Variants in TOX3 observed in about 807,000 individuals in gnomAD.
The protein encoded by TOX3 is TOX high mobility group box family member 3.
A neutral mutation model predicts 64.3 loss-of-function variants in TOX3; 22 were observed. That is an observed-to-expected ratio of 0.34 (90% CI 0.24 to 0.49). The LOEUF (loss-of-function observed/expected upper bound fraction) is 0.49. TOX3 is among the 20% of genes least tolerant of loss of function. The pLI is 0.99. For synonymous variants in TOX3, 291 were observed against 273.6 expected (o/e 1.06, Z -0.63); for missense variants, 661 against 714.4 (o/e 0.93, Z 0.85).
intron 1 of TOX3, among the ~76,000 whole-genome samples, chr16:52,508,757 G>A (rs1205620142): frequency 1.3e-5 from 2 of 152,036 alleles, no homozygotes; most frequent in Non-Finnish European, 2.9e-5. Context: ...CAAAATTATT[G>A]ATAACTTTCA....
Position 52,439,666 on chromosome 16 carries a change from G to A in TOX3, c.1290C>T (p.Thr430=), listed in dbSNP as rs749803576. Residue 430 remains threonine, a synonymous_variant, in exon 7 of 7, where the codon ACC becomes ACT. Transcript: ENST00000219746. Reference sequence around the variant, plus strand: ...GGGTTTGCACCGAAGGACTCACTTGGGTGGAGGGTGCTGAGCCAACCATGG... The same window carrying A: ...GGGTTTGCACCGAAGGACTCACTTGAGTGGAGGGTGCTGAGCCAACCATGG... ...GTTMVGSAPS[T]QVSPSVQTQQ... 2.4e-5 allele frequency: 38 copies of A among 1,613,764 alleles called. No individual in the cohort carries two copies. In the South Asian group the frequency reaches 4.0e-4, roughly 17 times the overall value.
chr16:52,506,675 A>T (rs778084345), intron 1 of TOX3, among the ~76,000 whole-genome samples: 12 of 152,164 alleles, frequency 7.9e-5, no homozygotes, highest in Non-Finnish European at 1.5e-4. Context: ...GGCTACAGGA[A>T]GGGTGCAGAT....
At chr16:52,472,051 C>G (rs967292357) in intron 1 of TOX3, among the ~76,000 whole-genome samples, 9 of 152,238 alleles carry the variant, frequency 5.9e-5, no homozygotes, top group Non-Finnish European at 1.2e-4. Context: ...CAGAGGTACT[C>G]AAGTCTAGTA....
Position 52,486,004 on chromosome 16 carries a change from G to A in TOX3, c.88-17430C>T, listed in dbSNP as rs1032909929. ...GTCTTCCAGCAGTGGGCCAAAGCAC[G>A]GGTGCATTTTAAACATTGTTGGGGT... On this transcript the variant is annotated intron_variant, in intron 1 of 6. Transcript: ENST00000219746. Among the ~76,000 whole-genome samples the A allele has an allele frequency of 5.9e-5, 9 of 152,268 alleles. No individual in the cohort carries two copies. The East Asian group carries it at 1.7e-3, about 29-fold the overall frequency.
rs45597135 is a variant in TOX3, at chr16:52,512,019, C to A, written c.87+34618G>T. Among the ~76,000 whole-genome samples, 1,330 of 152,260 alleles carry A rather than the reference C, an allele frequency of 8.7e-3. 9 individuals are homozygous for A. Among genetic ancestry groups the A allele is most frequent in the Non-Finnish European group, 0.014 (920 of 68,010 alleles). Reference sequence around the variant, plus strand: ...AAGCACCACGTTGCCTATTCCTCAACTTTAAGAATGATCAATCCTGCCATA... The same window carrying A: ...AAGCACCACGTTGCCTATTCCTCAAATTTAAGAATGATCAATCCTGCCATA... On this transcript the variant is annotated intron_variant, in intron 1 of 6. Coordinates refer to ENST00000219746, the MANE Select transcript of TOX3 (RefSeq NM_001080430.4).
At chr16:52,539,710 C>T (rs1287111085) in intron 1 of TOX3, among the ~76,000 whole-genome samples, 1 of 152,186 alleles carries the variant, frequency 6.6e-6, no homozygotes, top group Non-Finnish European at 1.5e-5. Flanking sequence ...CAGTGCATGA[C>T]TCTGTGAGAA....
intron 1 of TOX3, among the ~76,000 whole-genome samples, chr16:52,518,589 C>T (rs1962517545): frequency 6.6e-6 from 1 of 152,166 alleles, no homozygotes; most frequent in African/African-American, 2.4e-5. Context: ...CATCCTAGTA[C>T]AGCTTTAATA....
chr16:52,527,672 C>T (rs944160002), intron 1 of TOX3, among the ~76,000 whole-genome samples: 3 of 152,200 alleles, frequency 2.0e-5, no homozygotes, highest in Non-Finnish European at 4.4e-5. Flanking sequence ...AGAATGAGTG[C>T]TGGCCTTCTT....
At chr16:52,506,109 C>T (rs767730264) in intron 1 of TOX3, among the ~76,000 whole-genome samples, 3 of 152,154 alleles carry the variant, frequency 2.0e-5, no homozygotes, top group South Asian at 2.1e-4. Context: ...GGACAAGAGC[C>T]GTCGTGTTAA....
intron 1 of TOX3, among the ~76,000 whole-genome samples, chr16:52,523,725 C>T (rs933436909): frequency 3.9e-5 from 6 of 152,204 alleles, no homozygotes; most frequent in African/African-American, 7.2e-5. Context: ...TCCTGATGAA[C>T]GAGACTTTTT....
intron 1 of TOX3, among the ~76,000 whole-genome samples, chr16:52,512,519 T>C (rs918910080): frequency 6.6e-5 from 10 of 152,234 alleles, no homozygotes; most frequent in African/African-American, 2.4e-4. Context: ...ACGTTCTATG[T>C]GCTTAAGATG....
chr16:52,532,554 T>C (rs1962874280), intron 1 of TOX3, among the ~76,000 whole-genome samples: 1 of 152,226 alleles, frequency 6.6e-6, no homozygotes, highest in African/African-American at 2.4e-5. Context: ...GGATAAGCAC[T>C]GCCCTTCTGA....
Position 52,510,759 on chromosome 16 carries a change from CA to C in TOX3, c.87+35877del, listed in dbSNP as rs71376169. Among the ~76,000 whole-genome samples, 201 of 72,078 alleles carry C rather than the reference CA, an allele frequency of 2.8e-3. 1 individual carries two copies. The highest frequency in any genetic ancestry group is 0.017 in the East Asian group (40 of 2,382). The allele number at this position is 72,078 out of a possible 152,430, so 47.3% of individuals were successfully genotyped here. ...AAACAGACAGAGAAGGACCCTGTCT[CA>C]AAAAAAAAAAAAAAAAAAAAGAAGA... On this transcript the variant is annotated intron_variant, in intron 1 of 6. Coordinates refer to ENST00000219746, the MANE Select transcript of TOX3 (RefSeq NM_001080430.4).
At chr16:52,513,016 T>C (rs984362764) in intron 1 of TOX3, among the ~76,000 whole-genome samples, 6 of 152,184 alleles carry the variant, frequency 3.9e-5, no homozygotes, top group South Asian at 2.1e-4. Flanking sequence ...TGTAAGTACA[T>C]AATGTCACGT....
intron 1 of TOX3, among the ~76,000 whole-genome samples, chr16:52,483,728 C>G (rs1961430917): frequency 6.6e-6 from 1 of 151,748 alleles, no homozygotes; most frequent in Admixed American, 6.6e-5. Flanking sequence ...GCCACCACAC[C>G]CGGCTAATTT....
intron 2 of TOX3, among the ~76,000 whole-genome samples, chr16:52,465,410 T>A (rs1408036221): frequency 2.0e-5 from 3 of 151,624 alleles, no homozygotes; most frequent in African/African-American, 7.3e-5. Context: ...TTGGGGGGAT[T>A]TTTTTGGCGA....
chr16:52,502,724 T>C (rs1596834600), intron 1 of TOX3, among the ~76,000 whole-genome samples: 1 of 152,194 alleles, frequency 6.6e-6, no homozygotes, highest in Non-Finnish European at 1.5e-5. Context: ...TTCCATGATA[T>C]CCTAAAGAGC....
chr16:52,486,179 A>T (rs1961526675), intron 1 of TOX3, among the ~76,000 whole-genome samples: 1 of 152,096 alleles, frequency 6.6e-6, no homozygotes, highest in Non-Finnish European at 1.5e-5. Flanking sequence ...ATCCCAAGGG[A>T]GATGAGAAGA....
intron 1 of TOX3, among the ~76,000 whole-genome samples, chr16:52,485,489 C>T (rs1259717307): frequency 1.3e-5 from 2 of 151,670 alleles, no homozygotes; most frequent in African/African-American, 2.4e-5. Context: ...TCCAAAAGGA[C>T]GTTGGGGGGT....
Sources: gnomAD v4.1 joint callset for allele counts (sites outside exome capture counted in the v4.1 genomes callset) on GRCh38, gnomAD v4.1.1 for gene constraint, MANE v1.5 for transcripts, NCBI Gene and HGNC (gene_info 2026-07-23, HGNC 2026-07-21) for gene names.